Variants in EPB41L3 observed in about 807,000 individuals in gnomAD.
The protein encoded by EPB41L3 is erythrocyte membrane protein band 4.1 like 3, also known as band 4.1-like protein 3.
In EPB41L3, 57 loss-of-function variants were observed where a neutral mutation model predicts 127.1. The ratio of observed to expected loss-of-function variants is 0.45; its 90% confidence interval spans 0.36 to 0.56. The LOEUF is 0.56. Among genes scored for constraint, EPB41L3 ranks in the 20% least tolerant of loss-of-function variants. The probability of loss-of-function intolerance (pLI) is 0.00; values close to 1 mark genes in which losing one functional copy is unlikely to be tolerated. For synonymous variants in EPB41L3, 572 were observed against 549.5 expected (o/e 1.04, Z -0.57); for missense variants, 1,273 against 1,372.2 (o/e 0.93, Z 1.14).
intron 13 of EPB41L3, among the ~76,000 whole-genome samples, chr18:5,414,286 C>A (rs997156761): frequency 6.6e-5 from 10 of 152,038 alleles, no homozygotes; most frequent in African/African-American, 2.2e-4. Context: ...AAATATTTTC[C>A]ATGTATAAAA....
At chr18:5,597,403 A>G (rs1290039053) in intron 3 of EPB41L3, among the ~76,000 whole-genome samples, 1 of 152,198 alleles carries the variant, frequency 6.6e-6, no homozygotes, top group Non-Finnish European at 1.5e-5. Flanking sequence ...CCATTAGTGC[A>G]TTACATTACA....
intron 3 of EPB41L3, among the ~76,000 whole-genome samples, chr18:5,447,997 G>A (rs1202188609): frequency 6.6e-6 from 1 of 152,166 alleles, no homozygotes; most frequent in Non-Finnish European, 1.5e-5. Flanking sequence ...TATATCATGG[G>A]ATGGAAGCAA....
At chr18:5,474,229 T>TA (rs879936689) in intron 3 of EPB41L3, among the ~76,000 whole-genome samples, 296 of 137,986 alleles carry the variant, frequency 2.1e-3, no homozygotes, top group South Asian at 5.1e-3. Flanking sequence ...AGACTCTGTC[T>TA]AAAAAAAAAA....
intron 8 of EPB41L3, among the ~76,000 whole-genome samples, chr18:5,430,791 T>G (rs998813436): frequency 1.3e-4 from 20 of 151,710 alleles, no homozygotes; most frequent in African/African-American, 4.1e-4. Context: ...CTCGAACACC[T>G]GGGCTCAAGC....
chr18:5,543,850 C>G lies in EPB41L3; in HGVS notation c.-12+63G>C. 1 of 983,116 alleles carries G rather than the reference C, an allele frequency of 1.0e-6. No individual in the cohort carries two copies. Among genetic ancestry groups the G allele is most frequent in the Non-Finnish European group, 1.2e-6 (1 of 827,892 alleles). The allele number at this position is 983,116 out of a possible 1,614,324, so 60.9% of individuals were successfully genotyped here. ...CCTCGCCCCAGGCCTCGGGCTCTTC[C>G]TCCGCACCTCGTAAAGCCGAGACCC... On this transcript the variant is annotated intron_variant, in intron 1 of 22. Transcript: ENST00000341928. This position sits in a 1 kb window ranked among gnomAD's most constrained non-coding sequence, Gnocchi z 5.2.
chr18:5,504,606 G>C (rs1280348212), intron 1 of EPB41L3, among the ~76,000 whole-genome samples: 2 of 152,138 alleles, frequency 1.3e-5, no homozygotes, highest in African/African-American at 4.8e-5. Context: ...GAGTATAAAA[G>C]AGTAACCAAA....
chr18:5,494,012 T>C (rs2090892172), intron 1 of EPB41L3, among the ~76,000 whole-genome samples: 1 of 152,184 alleles, frequency 6.6e-6, no homozygotes, highest in Non-Finnish European at 1.5e-5. Flanking sequence ...CTTTAAATTC[T>C]CTTTCTTGGA....
At position 5,564,317 on chromosome 18, in the gene EPB41L3, C is replaced by T. The variant is rs147704578; in HGVS notation, c.-306+48023G>A. ...TTTGTATGTTTTGCAGGTATTATTT[C>T]ATTTAATTCCCTCAATAACTCTATT... On this transcript the variant is annotated intron_variant, in intron 3 of 21. Transcript: ENST00000545076. Among the ~76,000 whole-genome samples, 250 of 152,146 alleles carry T rather than the reference C, an allele frequency of 1.6e-3. 3 individuals are homozygous for T. The highest frequency in any genetic ancestry group is 5.8e-3 in the African/African-American group (240 of 41,506).
At chr18:5,521,677 C>T (rs921473793) in intron 1 of EPB41L3, among the ~76,000 whole-genome samples, 15 of 152,142 alleles carry the variant, frequency 9.9e-5, no homozygotes, top group African/African-American at 3.6e-4. Flanking sequence ...GTTCCCTCCT[C>T]TATAAACTGA....
At chr18:5,424,238 A>G in intron 10 of EPB41L3, 24 bp downstream of exon 10, 1 of 1,510,846 alleles carries the variant, frequency 6.6e-7, no homozygotes, top group Non-Finnish European at 8.9e-7. Flanking sequence ...TCCTTAGGGA[A>G]AAAACAAAAT....
chr18:5,449,141 T>G (rs10853332), intron 3 of EPB41L3, among the ~76,000 whole-genome samples: 90,322 of 152,080 alleles, frequency 0.59, 28,616 homozygotes, highest in Non-Finnish European at 0.7. Flanking sequence ...TAAAACACAG[T>G]AAGAAAACAA....
intron 6 of EPB41L3, among the ~76,000 whole-genome samples, chr18:5,436,591 G>C (rs1013380095): frequency 6.6e-6 from 1 of 151,746 alleles, no homozygotes; most frequent in South Asian, 2.1e-4. Context: ...TGTATTTTTA[G>C]TGGAGACAGG....
intron 1 of EPB41L3, among the ~76,000 whole-genome samples, chr18:5,505,751 C>T (rs2148590843): frequency 7.3e-6 from 1 of 137,648 alleles, no homozygotes; most frequent in Admixed American, 7.2e-5. Context: ...TTCACCTCCA[C>T]CCCTTCCCTC....
intron 3 of EPB41L3, among the ~76,000 whole-genome samples, chr18:5,554,586 G>A (rs73385799): frequency 0.061 from 9,307 of 152,126 alleles, 851 homozygotes; most frequent in African/African-American, 0.2. Flanking sequence ...TCACCCTAAG[G>A]AAAACCCCAT....
chr18:5,607,227 C>T (rs1471406944), intron 3 of EPB41L3, among the ~76,000 whole-genome samples: 1 of 152,158 alleles, frequency 6.6e-6, no homozygotes, highest in Non-Finnish European at 1.5e-5. Context: ...GGACCTGTCT[C>T]TCTGGAGTCA....
upstream of EPB41L3, chr18:5,630,321 G>A (rs991795100): frequency 3.9e-6 from 2 of 514,992 alleles, no homozygotes; most frequent in East Asian, 5.5e-5. Flanking sequence ...CCTGCCCACG[G>A]GGCTAGGCGG....
At chr18:5,551,227 C>T (rs1184315148) in intron 3 of EPB41L3, among the ~76,000 whole-genome samples, 1 of 152,168 alleles carries the variant, frequency 6.6e-6, no homozygotes, top group African/African-American at 2.4e-5. Flanking sequence ...TGCCATCCTC[C>T]TGAATGCCAT....
intron 3 of EPB41L3, among the ~76,000 whole-genome samples, chr18:5,471,876 C>A (rs550067454): frequency 6.6e-6 from 1 of 152,224 alleles, no homozygotes; most frequent in Non-Finnish European, 1.5e-5. Context: ...AATGTGACAA[C>A]TGGGAGTGAC....
chr18:5,442,112 T>C (rs2080871946), intron 5 of EPB41L3, among the ~76,000 whole-genome samples: 1 of 152,230 alleles, frequency 6.6e-6, no homozygotes, highest in South Asian at 2.1e-4. Flanking sequence ...ATTAATTAGA[T>C]GAATAAGAGA....
Sources: allele counts gnomAD v4.1 joint callset (sites outside exome capture counted in the v4.1 genomes callset), GRCh38; gene constraint gnomAD v4.1.1; non-coding constraint Gnocchi (gnomAD v3.1); transcripts MANE v1.5; gene names NCBI Gene and HGNC (gene_info 2026-07-23, HGNC 2026-07-21).